The following TULP4 variants were observed in gnomAD, a reference collection of about 807,000 sequenced individuals.
TULP4 encodes the protein TUB like protein 4.
Under a neutral mutation model 129.0 loss-of-function variants are expected in TULP4, and 16 were observed. The observed-to-expected ratio is 0.12, with a 90% CI of 0.08 to 0.19. TULP4 has a LOEUF of 0.19. Among genes scored for constraint, TULP4 ranks in the 10% least tolerant of loss-of-function variants. The probability of loss-of-function intolerance (pLI) is 1.00; values close to 1 mark genes in which losing one functional copy is unlikely to be tolerated. For missense variants in TULP4, 1,842 were observed against 2,059.1 expected, an observed-to-expected ratio of 0.89 and a Z score of 2.04; for synonymous variants, 998 against 854.0, an observed-to-expected ratio of 1.17 and a Z score of -2.94.
At chr6:158,325,671 A>G (rs970536842) in intron 1 of TULP4, among the ~76,000 whole-genome samples, 1 of 152,068 alleles carries the variant, frequency 6.6e-6, no homozygotes, top group Non-Finnish European at 1.5e-5. Flanking sequence ...TCTTCTTTTA[A>G]ATGTCTTAGG....
intron 1 of TULP4, among the ~76,000 whole-genome samples, chr6:158,264,197 C>G (rs1778405109): frequency 6.6e-6 from 1 of 152,220 alleles, no homozygotes; most frequent in African/African-American, 2.4e-5. Flanking sequence ...GAAGTGCGGC[C>G]TTAACAGAAT....
rs755055501 is a variant in TULP4 at position 158,501,952 on chromosome 6, G to T, written c.2289G>T (p.Met763Ile). ...PGQVIFGSVEMGRIIQNPPPL... is the reference protein window; with the variant it reads ...PGQVIFGSVEIGRIIQNPPPL... ...AGGTGATTTTCGGAAGCGTGGAAAT[G>T]GGCCGCATCATTCAGAACCCCCCTC... Residue 763 changes from methionine (M) to isoleucine (I), a missense_variant, in exon 13 of 14, where the codon ATG (methionine) becomes ATT (isoleucine). Physicochemically the swap from Met to Ile is conservative, Grantham distance 10. Transcript: ENST00000367097. The T allele has an allele frequency of 6.2e-7, 1 of 1,613,890 alleles. No homozygotes were observed. Among genetic ancestry groups the T allele is most frequent in the Admixed American group, 1.7e-5 (1 of 59,996 alleles).
intron 1 of TULP4, among the ~76,000 whole-genome samples, chr6:158,292,948 GC>G (rs1184276222): frequency 6.6e-6 from 1 of 152,036 alleles, no homozygotes; most frequent in Non-Finnish European, 1.5e-5. Flanking sequence ...TAAATAAAAT[GC>G]CCCCCTTTTT....
At chr6:158,423,284 TA>T (rs1778397119) in intron 2 of TULP4, among the ~76,000 whole-genome samples, 1 of 152,194 alleles carries the variant, frequency 6.6e-6, no homozygotes, top group African/African-American at 2.4e-5. Flanking sequence ...ACGTGATCCA[TA>T]AAAGAAAAAA....
At chr6:158,483,529 A>G (rs1169092275) in intron 8 of TULP4, among the ~76,000 whole-genome samples, 2 of 152,086 alleles carry the variant, frequency 1.3e-5, no homozygotes, top group Admixed American at 6.5e-5. Context: ...GGGTTTTACC[A>G]TGTTGCCCAG....
intron 1 of TULP4, among the ~76,000 whole-genome samples, chr6:158,274,514 C>T (rs377659154): frequency 3.3e-5 from 5 of 151,940 alleles, no homozygotes; most frequent in South Asian, 4.2e-4. Context: ...CAGTGGCTCA[C>T]GCCTGTAGTC....
chr6:158,388,923 C>T (rs555089726), intron 1 of TULP4, among the ~76,000 whole-genome samples: 2 of 152,252 alleles, frequency 1.3e-5, no homozygotes, highest in East Asian at 1.9e-4. Context: ...CCTCCCACCA[C>T]GGGTAGCTGC....
chr6:158,250,960 C>G (rs1234284808), intron 1 of TULP4, among the ~76,000 whole-genome samples: 1 of 152,146 alleles, frequency 6.6e-6, no homozygotes, highest in Non-Finnish European at 1.5e-5. Context: ...TATTACCAAA[C>G]CTTTCACTAG....
intron 1 of TULP4, among the ~76,000 whole-genome samples, chr6:158,251,308 C>T (rs898706526): frequency 3.0e-4 from 46 of 152,232 alleles, no homozygotes; most frequent in Middle Eastern, 3.4e-3. Context: ...TGGTTTAATA[C>T]GGTCATACTC....
At chr6:158,402,170 C>T (rs369558714) in intron 1 of TULP4, among the ~76,000 whole-genome samples, 1 of 152,304 alleles carries the variant, frequency 6.6e-6, no homozygotes, top group East Asian at 1.9e-4. Context: ...AAAACATTGC[C>T]TAAACCTAGC....
intron 6 of TULP4, 123 bp from the exon 7 acceptor site, chr6:158,479,628 C>CT: frequency 2.3e-6 from 2 of 880,954 alleles, no homozygotes; most frequent in Non-Finnish European, 3.4e-6. Context: ...CTCTACTGTG[C>CT]TTTTAAAACC....
chr6:158,441,823 G>C (rs1009349481), intron 3 of TULP4, among the ~76,000 whole-genome samples: 1 of 152,152 alleles, frequency 6.6e-6, no homozygotes, highest in Non-Finnish European at 1.5e-5. Context: ...ACAACTCAAG[G>C]CTGTGTCCCG....
chr6:158,460,837 G>A (rs951717382), intron 5 of TULP4, among the ~76,000 whole-genome samples: 3 of 151,888 alleles, frequency 2.0e-5, no homozygotes, highest in Non-Finnish European at 4.4e-5. Flanking sequence ...GTCATCCCTG[G>A]GAGTGGAGGC....
chr6:158,285,425 CTT>C (rs995936321), intron 1 of TULP4, among the ~76,000 whole-genome samples: 1 of 152,150 alleles, frequency 6.6e-6, no homozygotes, highest in Non-Finnish European at 1.5e-5. Context: ...TAAGGAAACA[CTT>C]TTGCTGGCCA....
chr6:158,442,696 C>T (rs1027949914), intron 3 of TULP4, among the ~76,000 whole-genome samples: 1 of 152,120 alleles, frequency 6.6e-6, no homozygotes, highest in Non-Finnish European at 1.5e-5. Context: ...GTATAAAATA[C>T]TAAATGTTCC....
chr6:158,351,881 C>G (rs1261623478), intron 1 of TULP4, among the ~76,000 whole-genome samples: 1 of 151,638 alleles, frequency 6.6e-6, no homozygotes, highest in Non-Finnish European at 1.5e-5. Flanking sequence ...GCCACCCCAC[C>G]CAGCTAATTT....
chr6:158,252,753 C>A (rs1562495202), intron 1 of TULP4, among the ~76,000 whole-genome samples: 1 of 152,186 alleles, frequency 6.6e-6, no homozygotes, highest in African/African-American at 2.4e-5. Context: ...CACTAGACTT[C>A]TTTCAGATTT....
At position 158,504,173 on chromosome 6, in the gene TULP4, C is replaced by T; in HGVS notation, c.4510C>T (p.Arg1504Trp). 1.9e-6 allele frequency: 3 copies of T among 1,582,758 alleles called. No individual in the cohort carries two copies. Among genetic ancestry groups the T allele is most frequent in the Non-Finnish European group, 2.6e-6 (3 of 1,162,722 alleles). Residue 1504 changes from arginine (R) to tryptophan (W), a missense_variant, in exon 13 of 14, where the codon CGG (arginine) becomes TGG (tryptophan). Around this residue, in one of 5 missense-constraint regions of TULP4, gnomAD observed 47 missense variants for 104.0 expected, o/e 0.45. Transcript: ENST00000367097. ...AKNFQIELEGRQVMQFGRIDG... is the reference protein window; with the variant it reads ...AKNFQIELEGWQVMQFGRIDG... ...GAACTTCCAGATTGAGTTAGAGGGG[C>T]GGCAGGTAAGACCTCAGACCAGGTG...
At chr6:158,388,811 T>C (rs1376588989) in intron 1 of TULP4, among the ~76,000 whole-genome samples, 2 of 152,206 alleles carry the variant, frequency 1.3e-5, no homozygotes, top group Non-Finnish European at 2.9e-5. Flanking sequence ...ATTAGTGGCA[T>C]AATTGAAATC....
Sources: gnomAD v4.1 joint callset for allele counts (sites outside exome capture counted in the v4.1 genomes callset) on GRCh38, gnomAD v4.1.1 for gene constraint, gnomAD v4.1.1 regional missense constraint, MANE v1.5 for transcripts, NCBI Gene and HGNC (gene_info 2026-07-23, HGNC 2026-07-21) for gene names.